The following DPP6 variants were observed in gnomAD, a reference collection of about 807,000 sequenced individuals.
The protein encoded by DPP6 is A-type potassium channel modulatory protein DPP6.
Under a neutral mutation model 122.6 loss-of-function variants are expected in DPP6, and 69 were observed. The ratio of observed to expected loss-of-function variants is 0.56; its 90% CI spans 0.46 to 0.69. The LOEUF is 0.69. Among genes scored for constraint, DPP6 ranks in the 30% least tolerant of loss-of-function variants. DPP6 has a pLI of 0.00. For missense variants in DPP6, 928 were observed against 1,116.9 expected, an observed-to-expected ratio of 0.83 and a Z score of 2.41; for synonymous variants, 418 against 433.1, an observed-to-expected ratio of 0.97 and a Z score of 0.43.
chr7:154,240,703 G>T (rs1416689976), intron 1 of DPP6, among the ~76,000 whole-genome samples: 1 of 152,164 alleles, frequency 6.6e-6, no homozygotes, highest in African/African-American at 2.4e-5. Context: ...GATGTAACCT[G>T]ATATTCATAT....
chr7:153,794,445 A>G, the DPP6 span, among the ~76,000 whole-genome samples: 1 of 152,108 alleles, frequency 6.6e-6, no homozygotes, highest in African/African-American at 2.4e-5. Flanking sequence ...AATTTCTCCC[A>G]TTTGGAACAG....
intron 1 of DPP6, among the ~76,000 whole-genome samples, chr7:153,952,601 T>G (rs1379577387): frequency 5.3e-5 from 8 of 152,240 alleles, no homozygotes; most frequent in African/African-American, 1.7e-4. Flanking sequence ...GGGTGAAATG[T>G]GGAGAACCAA....
In DPP6 at chr7:154,163,626, C is replaced by T. The variant is rs539056279; in HGVS notation, c.243+110563C>T. The stretch of plus-strand genomic sequence containing the variant: ...ACTGAGGCAGATGTATCAATAAGAT[C>T]GCCAGATTTGCTAGTGCAATGATGC... On this transcript the variant is annotated intron_variant, in intron 1 of 25. Coordinates refer to ENST00000377770, the MANE Select transcript of DPP6 (RefSeq NM_130797.4). Among the ~76,000 whole-genome samples, 198 of 152,220 alleles carry T rather than the reference C, an allele frequency of 1.3e-3. 2 individuals are homozygous for T. Among genetic ancestry groups the T allele is most frequent in the African/African-American group, 4.7e-3 (196 of 41,560 alleles).
intron 1 of DPP6, among the ~76,000 whole-genome samples, chr7:154,340,213 T>C (rs941201862): frequency 6.6e-6 from 1 of 152,272 alleles, no homozygotes; most frequent in African/African-American, 2.4e-5. Context: ...AGATTTTAAC[T>C]AATCTCTTTT....
chr7:153,901,040 AT>A (rs1799621475), intron 1 of DPP6, among the ~76,000 whole-genome samples: 1 of 152,102 alleles, frequency 6.6e-6, no homozygotes, highest in African/African-American at 2.4e-5. Context: ...ACAGTGGTTC[AT>A]TTTTTATAGA....
At chr7:153,931,356 G>C (rs572368241) in intron 1 of DPP6, among the ~76,000 whole-genome samples, 28 of 152,266 alleles carry the variant, frequency 1.8e-4, no homozygotes, top group African/African-American at 6.3e-4. Flanking sequence ...ACATTCATCA[G>C]AGCATTTGCC....
At chr7:153,748,581 CT>C in the DPP6 span, among the ~76,000 whole-genome samples, 2 of 80,690 alleles carry the variant, frequency 2.5e-5, no homozygotes, top group Non-Finnish European at 5.0e-5. Context: ...CTGCGTCCCC[CT>C]GGCTCTCCCC....
chr7:154,307,942 C>A (rs1806506428), intron 1 of DPP6, among the ~76,000 whole-genome samples: 1 of 150,730 alleles, frequency 6.6e-6, no homozygotes, highest in East Asian at 1.9e-4. Flanking sequence ...AGCAGGGGGT[C>A]ATTAAACTGT....
chr7:154,406,425 G>A (rs564638230), intron 1 of DPP6, among the ~76,000 whole-genome samples: 11 of 52,492 alleles, frequency 2.1e-4, no homozygotes, highest in East Asian at 1.7e-3. Context: ...ATGCACACAC[G>A]CATGCACACA....
In DPP6 at chr7:154,481,896, A is replaced by G. The variant is rs1274896054; in HGVS notation, c.457+6859A>G. The stretch of plus-strand genomic sequence containing the variant: ...ATAATTATTTATGAATGTAAACTCC[A>G]CAAGGATGGGACTCGCATCTCTGTT... On this transcript the variant is annotated intron_variant, in intron 3 of 25. Transcript: ENST00000377770. The surrounding 1 kb of genome is among the most constrained non-coding windows in gnomAD (Gnocchi z 4.2). Among the ~76,000 whole-genome samples the G allele has an allele frequency of 1.3e-5, 2 of 152,186 alleles. No individual in the cohort carries two copies. The highest frequency in any genetic ancestry group is 4.8e-5 in the African/African-American group (2 of 41,448).
intron 17 of DPP6, among the ~76,000 whole-genome samples, chr7:154,862,255 G>A (rs571266156): frequency 1.3e-5 from 2 of 152,350 alleles, no homozygotes; most frequent in South Asian, 4.1e-4. Flanking sequence ...GCACAGGAAA[G>A]GAGCAGTTCC....
chr7:153,974,496 A>G (rs1409966178), intron 1 of DPP6, among the ~76,000 whole-genome samples: 3 of 152,150 alleles, frequency 2.0e-5, no homozygotes, highest in African/African-American at 7.2e-5. Context: ...ATTCCGAATC[A>G]TAAATGTATG....
At chr7:154,454,099 A>T (rs144095792) in intron 2 of DPP6, among the ~76,000 whole-genome samples, 1 of 152,082 alleles carries the variant, frequency 6.6e-6, no homozygotes, top group East Asian at 1.9e-4. Context: ...CACAAATTCA[A>T]TCTTGTTATA....
At chr7:153,869,610 C>A in the DPP6 span, among the ~76,000 whole-genome samples, 1 of 152,142 alleles carries the variant, frequency 6.6e-6, no homozygotes, top group Non-Finnish European at 1.5e-5. Flanking sequence ...ATTCAATTTG[C>A]TAGTCTGTGT....
At chr7:153,995,982 A>G (rs970461725) in intron 1 of DPP6, among the ~76,000 whole-genome samples, 7 of 152,236 alleles carry the variant, frequency 4.6e-5, no homozygotes, top group African/African-American at 9.6e-5. Flanking sequence ...CAGTTTTGGT[A>G]TCTGGGCAAC....
intron 9 of DPP6, among the ~76,000 whole-genome samples, chr7:154,770,753 TG>T (rs1285075459): frequency 6.6e-6 from 1 of 152,154 alleles, no homozygotes; most frequent in South Asian, 2.1e-4. Flanking sequence ...GAGGGAATAT[TG>T]GGGGGAACAG....
intron 6 of DPP6, 110 bp from the exon 7 acceptor site, chr7:154,669,250 C>A: frequency 6.7e-7 from 1 of 1,490,892 alleles, no homozygotes; most frequent in South Asian, 1.2e-5. Context: ...GAAATGGATA[C>A]CATGGAAGGA....
chr7:154,115,786 T>A (rs988387763), intron 1 of DPP6, among the ~76,000 whole-genome samples: 3 of 152,218 alleles, frequency 2.0e-5, no homozygotes, highest in African/African-American at 7.2e-5. Flanking sequence ...AGTACAAACT[T>A]ACAGAAGTTA....
At chr7:154,872,726 C>T (rs1291006513) in intron 19 of DPP6, 33 bp downstream of exon 19, 15 of 1,574,228 alleles carry the variant, frequency 9.5e-6, no homozygotes, top group Non-Finnish European at 1.2e-5. Flanking sequence ...TTCCCTGGTG[C>T]TCGTTCTGGG....
Sources: allele counts gnomAD v4.1 joint callset (sites outside exome capture counted in the v4.1 genomes callset), GRCh38; gene constraint gnomAD v4.1.1; non-coding constraint Gnocchi (gnomAD v3.1); transcripts MANE v1.5; gene names NCBI Gene and HGNC (gene_info 2026-07-23, HGNC 2026-07-21).